RAB3C: variants seen among roughly 807,000 people sequenced by gnomAD.
RAB3C encodes the protein RAB3C, member RAS oncogene family, also known as ras-related protein Rab-3C.
A neutral mutation model predicts 26.4 loss-of-function variants in RAB3C; 17 were observed. The observed-to-expected ratio is 0.64, with a 90% CI of 0.44 to 0.97. The LOEUF is 0.97. Among genes scored for constraint, RAB3C ranks in the 50% least tolerant of loss-of-function variants. The pLI, the probability that RAB3C is intolerant of heterozygous loss-of-function variation, is 0.00. For synonymous variants in RAB3C, 91 were observed against 95.9 expected, an observed-to-expected ratio of 0.95 and a Z score of 0.30; for missense variants, 242 against 281.9, an observed-to-expected ratio of 0.86 and a Z score of 1.01.
chr5:58,743,671 G>A (rs956076725), intron 3 of RAB3C, among the ~76,000 whole-genome samples: 1 of 151,872 alleles, frequency 6.6e-6, no homozygotes. Context: ...GTATTTGATT[G>A]TCTGTTCCTG....
intron 1 of RAB3C, among the ~76,000 whole-genome samples, chr5:58,614,924 T>G (rs1478820301): frequency 1.3e-5 from 2 of 152,102 alleles, no homozygotes; most frequent in Non-Finnish European, 2.9e-5. Context: ...TTACATAGCA[T>G]TTACATTGTG....
At chr5:58,734,102 C>G (rs988795346) in intron 3 of RAB3C, among the ~76,000 whole-genome samples, 1 of 152,164 alleles carries the variant, frequency 6.6e-6, no homozygotes, top group Non-Finnish European at 1.5e-5. Flanking sequence ...GTCTAACACT[C>G]TCTTCCTATC....
intron 2 of RAB3C, among the ~76,000 whole-genome samples, chr5:58,638,906 G>A (rs1039361229): frequency 6.6e-6 from 1 of 152,134 alleles, no homozygotes; most frequent in African/African-American, 2.4e-5. Context: ...TGGCAGCGTG[G>A]GCAGGTCTGT....
At chr5:58,737,797 T>C (rs2111940774) in intron 3 of RAB3C, among the ~76,000 whole-genome samples, 1 of 152,190 alleles carries the variant, frequency 6.6e-6, no homozygotes, top group Non-Finnish European at 1.5e-5. Flanking sequence ...TCAATTCAAA[T>C]CACATATGGA....
chr5:58,708,330 A>C (rs1748990782), intron 2 of RAB3C, among the ~76,000 whole-genome samples: 1 of 152,156 alleles, frequency 6.6e-6, no homozygotes, highest in Non-Finnish European at 1.5e-5. Flanking sequence ...GATCTGGGCA[A>C]ATCTAGCATT....
intron 4 of RAB3C, among the ~76,000 whole-genome samples, chr5:58,836,866 T>C (rs1743759527): frequency 6.6e-6 from 1 of 152,236 alleles, no homozygotes; most frequent in African/African-American, 2.4e-5. Context: ...CTCTTTGATA[T>C]ACTGATTTTC....
chr5:58,644,070 C>G (rs1172747201), intron 2 of RAB3C, among the ~76,000 whole-genome samples: 1 of 152,288 alleles, frequency 6.6e-6, no homozygotes, highest in East Asian at 1.9e-4. Flanking sequence ...ATCCACCTGC[C>G]TCAGCCTCCC....
intron 4 of RAB3C, among the ~76,000 whole-genome samples, chr5:58,836,541 C>G (rs1415723289): frequency 1.3e-5 from 2 of 152,178 alleles, no homozygotes; most frequent in Admixed American, 6.5e-5. Flanking sequence ...TCCCTTCCCC[C>G]ACACCCTTCT....
At chr5:58,843,825 C>T (rs777982308) in intron 4 of RAB3C, among the ~76,000 whole-genome samples, 3 of 152,272 alleles carry the variant, frequency 2.0e-5, no homozygotes, top group African/African-American at 7.2e-5. Context: ...GGTTTAGTCA[C>T]GTCATAACTA....
intron 3 of RAB3C, among the ~76,000 whole-genome samples, chr5:58,737,184 T>G (rs897390909): frequency 4.0e-5 from 6 of 151,712 alleles, no homozygotes; most frequent in African/African-American, 1.5e-4. Context: ...CTAAGAACAT[T>G]TGCATCTGCT....
chr5:58,652,181 G>T (rs1747667454), intron 2 of RAB3C, among the ~76,000 whole-genome samples: 2 of 151,746 alleles, frequency 1.3e-5, no homozygotes, highest in African/African-American at 4.8e-5. Flanking sequence ...TATTATTCTT[G>T]TATAGTTTTC....
At chr5:58,651,937 A>G (rs777696787) in intron 2 of RAB3C, among the ~76,000 whole-genome samples, 12 of 123,762 alleles carry the variant, frequency 9.7e-5, no homozygotes, top group Non-Finnish European at 1.6e-4. Flanking sequence ...TGCTATGTAA[A>G]TAATTATAAT....
chr5:58,755,575 G>A (rs1741637677), intron 3 of RAB3C, among the ~76,000 whole-genome samples: 1 of 152,204 alleles, frequency 6.6e-6, no homozygotes, highest in African/African-American at 2.4e-5. Flanking sequence ...AGGCAAGGGT[G>A]GCTGATGGCA....
chr5:58,707,880 A>T (rs931343995), intron 2 of RAB3C, among the ~76,000 whole-genome samples: 8 of 151,990 alleles, frequency 5.3e-5, no homozygotes, highest in African/African-American at 1.4e-4. Context: ...CTTTACTAGG[A>T]TTCATTGCTT....
intron 3 of RAB3C, among the ~76,000 whole-genome samples, chr5:58,732,828 A>C (rs293012): frequency 0.68 from 103,813 of 152,036 alleles, 35,497 homozygotes; most frequent in East Asian, 0.76. Flanking sequence ...TATATTTGCT[A>C]AATTCTTTCT....
At chr5:58,738,040 A>G (rs948324553) in intron 3 of RAB3C, among the ~76,000 whole-genome samples, 34 of 152,214 alleles carry the variant, frequency 2.2e-4, no homozygotes, top group Non-Finnish European at 4.6e-4. Flanking sequence ...GTGCCAATGA[A>G]GTACAGCACA....
intron 4 of RAB3C, among the ~76,000 whole-genome samples, chr5:58,841,071 A>G (rs1833860): frequency 0.84 from 127,519 of 152,200 alleles, 54,147 homozygotes; most frequent in Middle Eastern, 0.93. Context: ...GATGGAGAGT[A>G]CAGGACCATT....
intron 2 of RAB3C, among the ~76,000 whole-genome samples, chr5:58,721,727 T>C (rs2111913527): frequency 6.6e-6 from 1 of 151,960 alleles, no homozygotes; most frequent in Middle Eastern, 3.4e-3. Flanking sequence ...GTCTGTTTAT[T>C]AGCTTAATTT....
chr5:58,808,506 T>C (rs1000251724), intron 3 of RAB3C, among the ~76,000 whole-genome samples: 1 of 152,202 alleles, frequency 6.6e-6, no homozygotes. Context: ...TAGGTTGATC[T>C]GCTAAGTAAA....
Sources: allele counts gnomAD v4.1 joint callset (sites outside exome capture counted in the v4.1 genomes callset), GRCh38; gene constraint gnomAD v4.1.1; transcripts MANE v1.5; gene names NCBI Gene and HGNC (gene_info 2026-07-23, HGNC 2026-07-21).